The following SUMF1 variants were observed in gnomAD, a reference collection of about 807,000 sequenced individuals.
The protein encoded by SUMF1 is sulfatase modifying factor 1, also known as formylglycine-generating enzyme.
In SUMF1, 48 loss-of-function variants were observed where a neutral mutation model predicts 47.6. The ratio of observed to expected loss-of-function variants is 1.01; its 90% CI spans 0.80 to 1.28. The LOEUF (loss-of-function observed/expected upper bound fraction) is 1.28, where lower values mean the gene tolerates loss of function less well. Among genes scored for constraint, SUMF1 ranks in the 50% most tolerant of loss-of-function variants. The pLI is 0.00. For missense variants in SUMF1, 571 were observed against 485.4 expected (o/e 1.18, Z -1.66); for synonymous variants, 230 against 192.1 (o/e 1.20, Z -1.63).
chr3:4,340,029 G>A (rs146631207), intron 8 of SUMF1, among the ~76,000 whole-genome samples: 162 of 152,172 alleles, frequency 1.1e-3, no homozygotes, highest in South Asian at 2.3e-3. Flanking sequence ...AGTGAGCCAA[G>A]ATCGCACCAC....
intron 8 of SUMF1, among the ~76,000 whole-genome samples, chr3:4,275,938 T>C (rs1290443889): frequency 6.6e-6 from 1 of 152,210 alleles, no homozygotes; most frequent in Non-Finnish European, 1.5e-5. Flanking sequence ...ACCTGGATCA[T>C]TAAAAAATAT....
chr3:4,132,613 G>A (rs1416389010), intron 8 of SUMF1, among the ~76,000 whole-genome samples: 1 of 152,062 alleles, frequency 6.6e-6, no homozygotes, highest in Non-Finnish European at 1.5e-5. Flanking sequence ...ATTACATTAT[G>A]TTCTGCTGGC....
intron 1 of SUMF1, among the ~76,000 whole-genome samples, chr3:4,457,624 A>G (rs1317794567): frequency 1.3e-5 from 2 of 152,234 alleles, no homozygotes; most frequent in Non-Finnish European, 2.9e-5. Context: ...CAAAGGCACC[A>G]AGAACACACA....
intron 5 of SUMF1, 137 bp from the exon 6 acceptor site, chr3:4,417,379 A>C: frequency 1.6e-6 from 1 of 610,372 alleles, no homozygotes; most frequent in Non-Finnish European, 2.9e-6. Flanking sequence ...ATATAAATAA[A>C]TAAAGCTTTT....
intron 8 of SUMF1, among the ~76,000 whole-genome samples, chr3:4,132,902 T>C (rs1693825418): frequency 1.3e-5 from 2 of 152,010 alleles, no homozygotes; most frequent in African/African-American, 4.8e-5. Flanking sequence ...TTAAGGTCAA[T>C]AGGAAACTAC....
At chr3:4,327,991 G>C (rs1698978662) in intron 8 of SUMF1, among the ~76,000 whole-genome samples, 1 of 152,206 alleles carries the variant, frequency 6.6e-6, no homozygotes, top group Non-Finnish European at 1.5e-5. Context: ...CAAAGTCAGA[G>C]GATCACTCGA....
chr3:4,133,771 A>C (rs904477705), intron 8 of SUMF1, among the ~76,000 whole-genome samples: 2 of 151,994 alleles, frequency 1.3e-5, no homozygotes, highest in African/African-American at 4.8e-5. Context: ...GGACCTTCTG[A>C]TCATGTGACT....
At chr3:4,415,521 A>G (rs1449605081) in intron 6 of SUMF1, among the ~76,000 whole-genome samples, 1 of 152,076 alleles carries the variant, frequency 6.6e-6, no homozygotes, top group Non-Finnish European at 1.5e-5. Context: ...TCTTTAAAAA[A>G]TCATCAAAGG....
rs115840879 is a variant in SUMF1, at chr3:4,037,487, G to C, written c.1191+31082C>G. 7.4e-3 allele frequency among the ~76,000 whole-genome samples: 1,126 copies of C among 152,262 alleles called. 11 individuals are homozygous for C. Among genetic ancestry groups the C allele is most frequent in the African/African-American group, 0.025 (1,021 of 41,544 alleles). On this transcript the variant is annotated intron_variant and NMD_transcript_variant, in intron 9 of 12. Coordinates refer to the SUMF1 transcript ENST00000448413. The stretch of plus-strand genomic sequence containing the variant: ...GAAGGAAAGTTAATGGTAGAGGGAG[G>C]AATAGTGTGTTTTTTAGTTCTATCA...
chr3:4,393,301 G>GT (rs1357263647), intron 7 of SUMF1, among the ~76,000 whole-genome samples: 1 of 152,030 alleles, frequency 6.6e-6, no homozygotes, highest in Non-Finnish European at 1.5e-5. Flanking sequence ...TAAGGCTTTG[G>GT]TTTTCGCCAC....
chr3:4,274,762 C>T (rs368495880), intron 8 of SUMF1, among the ~76,000 whole-genome samples: 7 of 151,932 alleles, frequency 4.6e-5, no homozygotes, highest in South Asian at 2.1e-4. Flanking sequence ...GCTTAGGAGA[C>T]GAAAATTCAT....
chr3:4,376,417 A>G (rs371813371), intron 7 of SUMF1, 28 bp from the exon 8 acceptor site: 1 of 1,613,308 alleles, frequency 6.2e-7, no homozygotes, highest in Admixed American at 1.7e-5. Context: ...AGGCTATGTT[A>G]GACCAGAAGG....
rs1472454593 is a variant in SUMF1, at chr3:4,097,110, T to C, written c.1015-28365A>G. On this transcript the variant is annotated intron_variant and NMD_transcript_variant, in intron 8 of 12. Transcript: ENST00000448413. ...AGTCAACAAGACATGTTTGACAATT[T>C]CTAGGTTCATGAAAAAATGGTATCT... 2.0e-5 allele frequency among the ~76,000 whole-genome samples: 3 copies of C among 152,124 alleles called. 1 individual carries two copies. The highest frequency in any genetic ancestry group is 7.2e-5 in the African/African-American group (3 of 41,402).
Position 4,466,964 on chromosome 3 carries a change from T to G in SUMF1, c.270+12A>C. On this transcript the variant is annotated intron_variant, in intron 1 of 8. Coordinates refer to ENST00000272902, the MANE Select transcript of SUMF1 (RefSeq NM_182760.4). ...GCAGCCCCCACCCGCCTCGGAGGAATCGATGGAGCACCTTTGAGTGCGCGA... is the reference window on the plus strand; with the variant it reads ...GCAGCCCCCACCCGCCTCGGAGGAAGCGATGGAGCACCTTTGAGTGCGCGA... The G allele has an allele frequency of 1.2e-6, 2 of 1,604,982 alleles. No homozygotes were observed. The highest frequency in any genetic ancestry group is 1.7e-6 in the Non-Finnish European group (2 of 1,177,276).
At chr3:4,241,860 C>G (rs568875892) in intron 8 of SUMF1, among the ~76,000 whole-genome samples, 5 of 152,270 alleles carry the variant, frequency 3.3e-5, no homozygotes, top group African/African-American at 1.2e-4. Flanking sequence ...GAGGCAGTGT[C>G]TGATTTACAT....
At chr3:4,124,817 A>C (rs993053242) in intron 8 of SUMF1, among the ~76,000 whole-genome samples, 8 of 148,684 alleles carry the variant, frequency 5.4e-5, no homozygotes, top group Non-Finnish European at 3.0e-5. Context: ...AAAAAAAAAA[A>C]CTCAGGAAAA....
At chr3:4,447,763 C>G (rs896586376) in intron 3 of SUMF1, among the ~76,000 whole-genome samples, 1 of 152,158 alleles carries the variant, frequency 6.6e-6, no homozygotes, top group Non-Finnish European at 1.5e-5. Flanking sequence ...ACACTACAAC[C>G]CAGTGAGAGC....
chr3:4,084,264 G>T (rs1041740067), intron 8 of SUMF1, among the ~76,000 whole-genome samples: 7 of 152,100 alleles, frequency 4.6e-5, no homozygotes, highest in Admixed American at 1.3e-4. Flanking sequence ...TAAAAGCCAA[G>T]GGTCTTTGCA....
chr3:4,069,243 G>T (rs1412974079), intron 8 of SUMF1, among the ~76,000 whole-genome samples: 1 of 152,270 alleles, frequency 6.6e-6, no homozygotes, highest in Admixed American at 6.5e-5. Context: ...ATCCATGGGG[G>T]CAGTGATCCG....
Sources: gnomAD v4.1 joint callset for allele counts (sites outside exome capture counted in the v4.1 genomes callset) on GRCh38, gnomAD v4.1.1 for gene constraint, MANE v1.5 for transcripts, NCBI Gene and HGNC (gene_info 2026-07-23, HGNC 2026-07-21) for gene names.